Variants in TTLL11 observed in about 807,000 individuals in gnomAD.
The protein encoded by TTLL11 is tubulin polyglutamylase TTLL11.
A neutral mutation model predicts 51.7 loss-of-function variants in TTLL11; 42 were observed. The observed-to-expected ratio is 0.81, with a 90% confidence interval of 0.64 to 1.05. The LOEUF is 1.05. Ranked by LOEUF, TTLL11 falls within the 50% of genes least tolerant of loss-of-function variation. The probability of loss-of-function intolerance (pLI) is 0.00; values close to 1 mark genes in which losing one functional copy is unlikely to be tolerated. For missense variants in TTLL11, 799 were observed against 940.4 expected (o/e 0.85, Z 1.97); for synonymous variants, 381 against 383.5 (o/e 0.99, Z 0.08).
intron 6 of TTLL11, among the ~76,000 whole-genome samples, chr9:121,895,841 TTGTG>T (rs1426845537): frequency 1.6e-4 from 2 of 12,366 alleles, no homozygotes; most frequent in South Asian, 2.2e-3. Flanking sequence ...GTATGTGTGG[TTGTG>T]TGTATGAATG....
intron 1 of TTLL11, among the ~76,000 whole-genome samples, chr9:122,041,294 T>C (rs1844839468): frequency 6.6e-6 from 1 of 152,264 alleles, no homozygotes; most frequent in Non-Finnish European, 1.5e-5. Context: ...CTTTAAAAAC[T>C]GTCCGCTTAC....
chr9:121,932,761 G>A (rs1841042247), intron 6 of TTLL11, among the ~76,000 whole-genome samples: 1 of 152,114 alleles, frequency 6.6e-6, no homozygotes, highest in South Asian at 2.1e-4. Flanking sequence ...TAAGGTCTGA[G>A]TTTATACTTC....
At chr9:122,064,492 C>T (rs902591263) in intron 1 of TTLL11, among the ~76,000 whole-genome samples, 2 of 152,198 alleles carry the variant, frequency 1.3e-5, no homozygotes, top group Non-Finnish European at 2.9e-5. Flanking sequence ...ATATTGGTTG[C>T]TCTCATGCTC....
chr9:121,939,761 C>T (rs899763037), intron 6 of TTLL11, among the ~76,000 whole-genome samples: 1 of 152,246 alleles, frequency 6.6e-6, no homozygotes, highest in South Asian at 2.1e-4. Context: ...CTGAGATAAT[C>T]GCTGGTGCTC....
chr9:121,825,322 A>G (rs576302704), intron 8 of TTLL11, among the ~76,000 whole-genome samples: 2 of 152,246 alleles, frequency 1.3e-5, no homozygotes, highest in African/African-American at 4.8e-5. Flanking sequence ...CTACTTCCCA[A>G]CGGTGTGATC....
chr9:121,878,277 A>T (rs1392208630), intron 6 of TTLL11, among the ~76,000 whole-genome samples: 1 of 152,094 alleles, frequency 6.6e-6, no homozygotes, highest in East Asian at 1.9e-4. Context: ...CATCAAGATG[A>T]ATCTGCTTGG....
intron 7 of TTLL11, among the ~76,000 whole-genome samples, chr9:121,869,457 G>T (rs537826636): frequency 1.3e-5 from 2 of 152,288 alleles, no homozygotes; most frequent in African/African-American, 4.8e-5. Context: ...TCCTTGAGGT[G>T]TATAGGATAC....
chr9:121,832,259 A>G (rs775754447), intron 8 of TTLL11, among the ~76,000 whole-genome samples: 4 of 152,094 alleles, frequency 2.6e-5, no homozygotes, highest in South Asian at 2.1e-4. Context: ...CTCTCCTACT[A>G]CTACTCAAGT....
chr9:121,819,754 T>TC lies in TTLL11; in HGVS notation c.*2832dup, dbSNP rs1165973699. ...GGCCAGCCAGACTCCCGGCTCTACTTCCTATCTTCTCGGAGGAAGGAACCA... is the reference window on the plus strand; with the variant it reads ...GGCCAGCCAGACTCCCGGCTCTACTTCCCTATCTTCTCGGAGGAAGGAACCA... On this transcript the variant is annotated 3_prime_UTR_variant, in exon 9 of 9. Transcript: ENST00000321582. 1.3e-5 allele frequency among the ~76,000 whole-genome samples: 2 copies of TC among 152,048 alleles called. No individual in the cohort carries two copies. Among genetic ancestry groups the TC allele is most frequent in the Non-Finnish European group, 2.9e-5 (2 of 68,018 alleles).
intron 6 of TTLL11, among the ~76,000 whole-genome samples, chr9:121,957,940 T>C (rs748264534): frequency 3.9e-5 from 6 of 152,168 alleles, no homozygotes; most frequent in Non-Finnish European, 8.8e-5. Flanking sequence ...TTCAGTTTGT[T>C]TTCTTTCTTG....
At chr9:122,006,918 G>A (rs1271100328) in intron 3 of TTLL11, among the ~76,000 whole-genome samples, 2 of 148,490 alleles carry the variant, frequency 1.3e-5, no homozygotes, top group African/African-American at 2.5e-5. Context: ...ACTGGGAGGC[G>A]GAGGCTGCAG....
chr9:121,901,220 A>C (rs1191473042), intron 6 of TTLL11, among the ~76,000 whole-genome samples: 1 of 152,180 alleles, frequency 6.6e-6, no homozygotes, highest in Non-Finnish European at 1.5e-5. Context: ...ATTGTTTATC[A>C]GTTCTTAGTA....
intron 6 of TTLL11, among the ~76,000 whole-genome samples, chr9:121,897,020 C>T (rs2131463302): frequency 6.6e-6 from 1 of 152,182 alleles, no homozygotes; most frequent in Non-Finnish European, 1.5e-5. Context: ...CATTAATTTG[C>T]GTTTGACCTA....
rs940981440 is a variant in TTLL11, at chr9:121,995,727, G to A, written c.694-5957C>T. Among the ~76,000 whole-genome samples, 4 of 152,158 alleles carry A rather than the reference G, an allele frequency of 2.6e-5. No homozygotes were observed. The highest frequency in any genetic ancestry group is 1.3e-4 in the Admixed American group (2 of 15,284). ...TATAATATCCCGCAAGCCCTCTACT[G>A]TTCATCGGAACCAGGCCAGGTTGTC... On this transcript the variant is annotated intron_variant, in intron 3 of 8. Transcript: ENST00000321582. This position sits in a 1 kb window ranked among gnomAD's most constrained non-coding sequence, Gnocchi z 4.4.
intron 3 of TTLL11, among the ~76,000 whole-genome samples, chr9:122,003,432 GA>G (rs1843541712): frequency 6.6e-6 from 1 of 151,134 alleles, no homozygotes; most frequent in Non-Finnish European, 1.5e-5. Context: ...ATTAATCTGT[GA>G]GACCATTTAC....
At chr9:122,062,235 G>A (rs1426698252) in intron 1 of TTLL11, among the ~76,000 whole-genome samples, 1 of 152,106 alleles carries the variant, frequency 6.6e-6, no homozygotes, top group Non-Finnish European at 1.5e-5. Flanking sequence ...GAGGCTGTTG[G>A]AGGATGCTAT....
At chr9:121,895,018 A>G (rs1839400086) in intron 6 of TTLL11, among the ~76,000 whole-genome samples, 1 of 152,110 alleles carries the variant, frequency 6.6e-6, no homozygotes, top group Admixed American at 6.5e-5. Flanking sequence ...GGGACCAACG[A>G]CAGGAATAAA....
intron 3 of TTLL11, among the ~76,000 whole-genome samples, chr9:122,018,713 C>T (rs1228125815): frequency 6.6e-6 from 1 of 152,168 alleles, no homozygotes; most frequent in South Asian, 2.1e-4. Context: ...ATTCTGTATG[C>T]GCCAGGCCCT....
At chr9:121,880,725 G>C (rs1016318179) in intron 6 of TTLL11, among the ~76,000 whole-genome samples, 1 of 152,352 alleles carries the variant, frequency 6.6e-6, no homozygotes, top group South Asian at 2.1e-4. Context: ...CTCCCAGTAC[G>C]CAGTAGGTGC....
Sources: gnomAD v4.1 joint callset for allele counts (sites outside exome capture counted in the v4.1 genomes callset) on GRCh38, gnomAD v4.1.1 for gene constraint, Gnocchi (gnomAD v3.1) non-coding constraint, MANE v1.5 for transcripts, NCBI Gene and HGNC (gene_info 2026-07-23, HGNC 2026-07-21) for gene names.